CENPK: variants seen among roughly 807,000 people sequenced by gnomAD.
The protein encoded by CENPK is centromere protein K.
CENPK carries 46 observed loss-of-function variants against 40.9 expected under a neutral mutation model. That is an observed-to-expected ratio of 1.13 (90% CI 0.89 to 1.44). The LOEUF is 1.44. Among genes scored for constraint, CENPK ranks in the 40% most tolerant of loss-of-function variants. The probability of loss-of-function intolerance (pLI) is 0.00; values close to 1 mark genes in which losing one functional copy is unlikely to be tolerated. For synonymous variants in CENPK, 107 were observed against 104.4 expected (o/e 1.02, Z -0.15); for missense variants, 288 against 303.5 (o/e 0.95, Z 0.38).
At position 65,558,466 on chromosome 5, in the gene CENPK, A is replaced by G. The variant is rs1247496432; in HGVS notation, c.-40+2997T>C. On this transcript the variant is annotated intron_variant, in intron 2 of 10. Transcript: ENST00000396679. ...GTAGGTAAGTAGACGTGTTGCTAGG[A>G]ACTTGTAGAAATTCTATGTGGATTG... Among the ~76,000 whole-genome samples, 3 of 152,182 alleles carry G rather than the reference A, an allele frequency of 2.0e-5. No individual in the cohort carries two copies. In the East Asian group the frequency reaches 5.8e-4, roughly 29 times the overall value.
intron 3 of CENPK, 137 bp downstream of exon 3, chr5:65,554,660 G>T: frequency 1.6e-6 from 1 of 617,400 alleles, no homozygotes; most frequent in Non-Finnish European, 2.9e-6. Context: ...ATGCTGATAG[G>T]TCTAAAAGCT....
the CENPK span, among the ~76,000 whole-genome samples, chr5:65,502,595 A>G: frequency 1.3e-5 from 2 of 151,944 alleles, no homozygotes; most frequent in African/African-American, 2.4e-5. Context: ...TAACATGAAG[A>G]GTCTTTTTTT....
intron 5 of CENPK, among the ~76,000 whole-genome samples, chr5:65,545,322 G>GCA (rs1413510078): frequency 7.5e-5 from 10 of 133,202 alleles, no homozygotes; most frequent in South Asian, 2.4e-4. Context: ...TCCTCAAAGC[G>GCA]CGCACACACA....
chr5:65,528,685 G>A, intron 8 of CENPK, 107 bp from the exon 9 acceptor site: 1 of 1,291,440 alleles, frequency 7.7e-7, no homozygotes, highest in Non-Finnish European at 1.0e-6. Context: ...AACTTCATTT[G>A]CTCAAACCAA....
the CENPK span, among the ~76,000 whole-genome samples, chr5:65,510,910 T>C: frequency 1.3e-5 from 2 of 152,194 alleles, no homozygotes. Flanking sequence ...CCCTTCACCA[T>C]GTGATGTCCT....
Position 65,528,501 on chromosome 5 carries a change from A to C in CENPK, c.548T>G (p.Phe183Cys). 6.2e-7 allele frequency: 1 copy of C among 1,607,432 alleles called. No homozygotes were observed. The highest frequency in any genetic ancestry group is 8.5e-7 in the Non-Finnish European group (1 of 1,178,120). Residue 183 changes from phenylalanine (F) to cysteine (C), a missense_variant, in exon 9 of 11, where the codon TTT becomes TGT. By Grantham distance (205) the Phe-to-Cys change is radical. Coordinates refer to ENST00000396679, the MANE Select transcript of CENPK (RefSeq NM_022145.5). ...AGGCAGAGGAAAATGGTCTTCTAGA[A>C]ACTCGCCCAAGGTACTCAAGAGTTT... is the stretch of plus-strand genomic sequence containing the variant. The part of the protein sequence containing the change: ...KEKLLSTLGE[F>C]LEDHFPLPDR...
At chr5:65,528,164 C>T (rs1369543971) in intron 9 of CENPK, among the ~76,000 whole-genome samples, 1 of 152,114 alleles carries the variant, frequency 6.6e-6, no homozygotes, top group Admixed American at 6.6e-5. Context: ...TCACTTGAAC[C>T]CAGGAGGCAG....
chr5:65,498,757 G>A, the CENPK span, among the ~76,000 whole-genome samples: 1 of 150,894 alleles, frequency 6.6e-6, no homozygotes, highest in Non-Finnish European at 1.5e-5. Flanking sequence ...TCCTGGGTCA[G>A]GCAATCTTGC....
chr5:65,510,529 C>G, the CENPK span, among the ~76,000 whole-genome samples: 5 of 152,150 alleles, frequency 3.3e-5, no homozygotes, highest in Admixed American at 2.6e-4. Context: ...AATCCCAGCA[C>G]TTTGGGAGGC....
chr5:65,547,672 T>C (rs1749249609), intron 5 of CENPK, among the ~76,000 whole-genome samples: 1 of 146,168 alleles, frequency 6.8e-6, no homozygotes, highest in South Asian at 2.2e-4. Context: ...GGGGAATTTC[T>C]TTTTTTTTTT....
chr5:65,531,577 C>T (rs1202916544), intron 6 of CENPK, among the ~76,000 whole-genome samples: 1 of 151,580 alleles, frequency 6.6e-6, no homozygotes, highest in African/African-American at 2.4e-5. Context: ...TATCTCGGCT[C>T]ACTGCAACCT....
At chr5:65,514,466 C>A (rs1046533006), downstream of CENPK, among the ~76,000 whole-genome samples, 2 of 151,666 alleles carry the variant, frequency 1.3e-5, no homozygotes, top group African/African-American at 4.8e-5. Context: ...GGGGTTTCAC[C>A]ATATTGGTCA....
intron 6 of CENPK, among the ~76,000 whole-genome samples, chr5:65,542,097 C>T (rs1413057440): frequency 6.6e-6 from 1 of 152,166 alleles, no homozygotes; most frequent in African/African-American, 2.4e-5. Flanking sequence ...ACACTCAGCA[C>T]CTAATCACCT....
At chr5:65,557,324 A>G (rs1168348416) in intron 2 of CENPK, among the ~76,000 whole-genome samples, 2 of 152,188 alleles carry the variant, frequency 1.3e-5, no homozygotes, top group African/African-American at 4.8e-5. Context: ...TTCCCCATCA[A>G]GAGACAGAGT....
At chr5:65,526,453 T>C (rs1047598660) in intron 9 of CENPK, among the ~76,000 whole-genome samples, 2 of 152,024 alleles carry the variant, frequency 1.3e-5, no homozygotes, top group African/African-American at 4.8e-5. Context: ...ACACAGATAG[T>C]AAAAACAAAA....
At chr5:65,559,544 G>C (rs1254463552) in intron 2 of CENPK, among the ~76,000 whole-genome samples, 3 of 150,654 alleles carry the variant, frequency 2.0e-5, no homozygotes, top group Non-Finnish European at 4.4e-5. Flanking sequence ...CAGGAGAATG[G>C]CGTGAACCCG....
intron 9 of CENPK, among the ~76,000 whole-genome samples, chr5:65,527,498 CATATATATATATATAT>C (rs70983674): frequency 0.059 from 5,349 of 90,460 alleles, 186 homozygotes; most frequent in East Asian, 0.14. Context: ...TTATTAACAC[CATATATATATATATAT>C]ATATATATAT....
At chr5:65,530,938 C>T (rs979901560) in intron 6 of CENPK, among the ~76,000 whole-genome samples, 2 of 152,038 alleles carry the variant, frequency 1.3e-5, no homozygotes, top group African/African-American at 4.8e-5. Context: ...AACAACAACA[C>T]ACACAATCCA....
intron 5 of CENPK, among the ~76,000 whole-genome samples, chr5:65,547,036 A>C (rs971976948): frequency 5.3e-5 from 8 of 152,202 alleles, no homozygotes; most frequent in Non-Finnish European, 4.4e-5. Flanking sequence ...ATAACACATA[A>C]AAACAGGAGA....
Sources: gnomAD v4.1 joint callset for allele counts (sites outside exome capture counted in the v4.1 genomes callset) on GRCh38, gnomAD v4.1.1 for gene constraint, MANE v1.5 for transcripts, NCBI Gene and HGNC (gene_info 2026-07-23, HGNC 2026-07-21) for gene names.